Variants in UTRN observed in about 807,000 individuals in gnomAD.
The protein encoded by UTRN is dystrophin-related protein 1.
In UTRN, 283 loss-of-function variants were observed where a neutral mutation model predicts 463.9. That is an observed-to-expected ratio of 0.61 (90% CI 0.55 to 0.67). The LOEUF is 0.67. Ranked by LOEUF, UTRN falls within the 30% of genes least tolerant of loss-of-function variation. The pLI is 0.00. For synonymous variants in UTRN, 1,442 were observed against 1,431.5 expected, an observed-to-expected ratio of 1.01 and a Z score of -0.17; for missense variants, 3,922 against 4,084.3, an observed-to-expected ratio of 0.96 and a Z score of 1.08.
At chr6:144,799,119 T>C (rs570244244) in intron 64 of UTRN, among the ~76,000 whole-genome samples, 1 of 152,358 alleles carries the variant, frequency 6.6e-6, no homozygotes, top group South Asian at 2.1e-4. Flanking sequence ...TCAGGAGGGC[T>C]GGGATTGGTT....
intron 62 of UTRN, among the ~76,000 whole-genome samples, chr6:144,791,256 C>T (rs1562915997): frequency 6.6e-6 from 1 of 152,184 alleles, no homozygotes; most frequent in Non-Finnish European, 1.5e-5. Context: ...TGGTATCTGT[C>T]TGAACATTGA....
intron 51 of UTRN, among the ~76,000 whole-genome samples, chr6:144,660,536 T>A (rs1441083263): frequency 6.6e-6 from 1 of 151,870 alleles, no homozygotes; most frequent in Non-Finnish European, 1.5e-5. Context: ...TGTACTCAAG[T>A]CAGCTGGTAA....
intron 2 of UTRN, among the ~76,000 whole-genome samples, chr6:144,298,138 T>C (rs1804899311): frequency 6.6e-6 from 1 of 152,198 alleles, no homozygotes. Context: ...TTAAATTGTG[T>C]GGAGGCATAG....
chr6:144,325,721 G>A (rs1172499850), intron 2 of UTRN, among the ~76,000 whole-genome samples: 4 of 152,150 alleles, frequency 2.6e-5, no homozygotes, highest in African/African-American at 9.7e-5. Flanking sequence ...AATGGGAGGG[G>A]CTGCTAGGAG....
At chr6:144,386,221 TG>T (rs1781405882) in intron 2 of UTRN, among the ~76,000 whole-genome samples, 1 of 152,084 alleles carries the variant, frequency 6.6e-6, no homozygotes, top group Non-Finnish European at 1.5e-5. Context: ...CAGCACTTTG[TG>T]TGGTGTAGGC....
At chr6:144,765,723 A>G (rs1327127083) in intron 58 of UTRN, among the ~76,000 whole-genome samples, 1 of 151,654 alleles carries the variant, frequency 6.6e-6, no homozygotes, top group Non-Finnish European at 1.5e-5. Flanking sequence ...AATGCATTTT[A>G]TAGTCAAATC....
chr6:144,299,285 A>G (rs1158539666), intron 2 of UTRN, among the ~76,000 whole-genome samples: 2 of 152,240 alleles, frequency 1.3e-5, no homozygotes, highest in Non-Finnish European at 2.9e-5. Context: ...CTTAATTTAT[A>G]GACAAGGAAG....
chr6:144,684,835 A>C (rs1782583631), intron 52 of UTRN, among the ~76,000 whole-genome samples: 1 of 152,086 alleles, frequency 6.6e-6, no homozygotes, highest in African/African-American at 2.4e-5. Flanking sequence ...AGTTTTATCC[A>C]GTTCATTTTT....
At chr6:144,754,684 A>G (rs1344161584) in intron 56 of UTRN, 36 bp from the exon 57 acceptor site, 19 of 1,598,978 alleles carry the variant, frequency 1.2e-5, no homozygotes, top group African/African-American at 2.7e-5. Flanking sequence ...TTCGGAATCA[A>G]ATTATTTCCT....
At chr6:144,807,543 T>A (rs4896747) in intron 65 of UTRN, among the ~76,000 whole-genome samples, 37,987 of 151,972 alleles carry the variant, frequency 0.25, 5,881 homozygotes, top group East Asian at 0.7. Context: ...GAGTTGATCT[T>A]CAAGAGACAG....
intron 58 of UTRN, among the ~76,000 whole-genome samples, chr6:144,766,754 G>A (rs1038710708): frequency 3.9e-5 from 6 of 151,928 alleles, no homozygotes; most frequent in African/African-American, 1.5e-4. Flanking sequence ...GAAAAAAGGT[G>A]ATAACTAGCA....
chr6:144,499,551 T>C, intron 34 of UTRN, 124 bp downstream of exon 34: 1 of 686,042 alleles, frequency 1.5e-6, no homozygotes, highest in Non-Finnish European at 2.1e-6. Context: ...TTTTTTGCAT[T>C]GTTTTTCCAC....
chr6:144,614,775 G>A (rs1029010548), intron 51 of UTRN, among the ~76,000 whole-genome samples: 4 of 152,086 alleles, frequency 2.6e-5, no homozygotes, highest in Admixed American at 6.6e-5. Context: ...ATTCTTTCTT[G>A]TACTTTGGGC....
intron 60 of UTRN, among the ~76,000 whole-genome samples, 159 bp from the exon 61 acceptor site, chr6:144,781,763 T>G (rs17840302): frequency 0.087 from 13,308 of 152,196 alleles, 1,888 homozygotes; most frequent in African/African-American, 0.3. Context: ...TAGAAATGTG[T>G]TTGTTTCTTT....
At chr6:144,581,649 G>A (rs1801977267) in intron 51 of UTRN, among the ~76,000 whole-genome samples, 1 of 152,110 alleles carries the variant, frequency 6.6e-6, no homozygotes, top group Non-Finnish European at 1.5e-5. Context: ...CTGGTTCTAG[G>A]ACAGGAATTA....
chr6:144,715,400 A>C (rs544256871), intron 53 of UTRN, among the ~76,000 whole-genome samples: 1 of 152,252 alleles, frequency 6.6e-6, no homozygotes, highest in South Asian at 2.1e-4. Flanking sequence ...TATTAAAATA[A>C]ATCAAACTCT....
intron 51 of UTRN, among the ~76,000 whole-genome samples, chr6:144,667,621 T>C (rs1780559533): frequency 6.6e-6 from 1 of 152,202 alleles, no homozygotes; most frequent in African/African-American, 2.4e-5. Flanking sequence ...CAAAACACTA[T>C]CTGCACACCT....
At chr6:144,342,003 G>A (rs984873246) in intron 2 of UTRN, among the ~76,000 whole-genome samples, 6 of 152,196 alleles carry the variant, frequency 3.9e-5, no homozygotes, top group African/African-American at 1.2e-4. Flanking sequence ...TTCTGACTAG[G>A]TGGTGCCCAC....
chr6:144,297,283 T>C (rs1331568636), intron 2 of UTRN, among the ~76,000 whole-genome samples: 2 of 152,018 alleles, frequency 1.3e-5, no homozygotes, highest in Non-Finnish European at 2.9e-5. Context: ...ATAAAACAAA[T>C]TATTAAATAT....
Sources: allele counts gnomAD v4.1 joint callset (sites outside exome capture counted in the v4.1 genomes callset), GRCh38; gene constraint gnomAD v4.1.1; transcripts MANE v1.5; gene names NCBI Gene and HGNC (gene_info 2026-07-23, HGNC 2026-07-21).